ABTB2: variants seen among roughly 807,000 people sequenced by gnomAD.
ABTB2 encodes the protein ankyrin repeat and BTB/POZ domain-containing protein 2.
ABTB2 carries 56 observed loss-of-function variants against 104.1 expected under a neutral mutation model. The ratio of observed to expected loss-of-function variants is 0.54; its 90% CI spans 0.43 to 0.67. The LOEUF is 0.67. Ranked by LOEUF, ABTB2 falls within the 30% of genes least tolerant of loss-of-function variation. The pLI is 0.00. For missense variants in ABTB2, 1,279 were observed against 1,407.7 expected, an observed-to-expected ratio of 0.91 and a Z score of 1.46; for synonymous variants, 606 against 608.2, an observed-to-expected ratio of 1.00 and a Z score of 0.05.
chr11:34,303,166 C>T (rs1363336471), intron 1 of ABTB2, among the ~76,000 whole-genome samples: 1 of 152,176 alleles, frequency 6.6e-6, no homozygotes, highest in Non-Finnish European at 1.5e-5. Flanking sequence ...TGGCAGTAGT[C>T]AGCTCACTTC....
intron 1 of ABTB2, chr11:34,335,068 C>T: frequency 2.4e-6 from 2 of 849,760 alleles, no homozygotes; most frequent in Non-Finnish European, 3.9e-6. Flanking sequence ...ATAGATCAAC[C>T]CAAATATTAC....
In ABTB2 at chr11:34,160,267, C is replaced by A. The variant is rs749055024; in HGVS notation, c.2484G>T (p.Lys828Asn). 6.2e-7 allele frequency: 1 copy of A among 1,614,064 alleles called. No homozygotes were observed. The highest frequency in any genetic ancestry group is 1.1e-5 in the South Asian group (1 of 91,080). The change falls in exon 12 of 17, where the codon AAG (lysine) becomes AAT (asparagine). Residue 828 changes from lysine to asparagine, a missense_variant. By Grantham distance (94) the Lys-to-Asn change is moderately conservative. Transcript: ENST00000435224. ...SPIPSIPEIR[K>N]TLPARLDPHF... ...CTTCACCTAGCCTGGCCGGCAGGGT[C>A]TTCCGGATCTCTGGGATGCTGGGGA...
intron 3 of ABTB2, among the ~76,000 whole-genome samples, chr11:34,175,185 TAA>T (rs373741235): frequency 0.015 from 2,290 of 152,386 alleles, 41 homozygotes; most frequent in African/African-American, 0.052. Flanking sequence ...TCCAGAGTTC[TAA>T]AAGTTTCTTC....
chr11:34,261,419 G>T (rs1444529641), intron 1 of ABTB2, among the ~76,000 whole-genome samples: 1 of 151,478 alleles, frequency 6.6e-6, no homozygotes, highest in African/African-American at 2.4e-5. Context: ...ACATTTGAAA[G>T]AAAATTTAAC....
At chr11:34,349,230 G>T (rs1855370896) in intron 1 of ABTB2, among the ~76,000 whole-genome samples, 2 of 152,200 alleles carry the variant, frequency 1.3e-5, no homozygotes, top group Non-Finnish European at 2.9e-5. Context: ...AATATCCACA[G>T]GAGAATTGCT....
intron 2 of ABTB2, 132 bp from the exon 3 acceptor site, chr11:34,197,670 C>T: frequency 1.5e-6 from 1 of 662,838 alleles, no homozygotes; most frequent in Non-Finnish European, 2.5e-6. Flanking sequence ...TACTGTTTGC[C>T]CTGCAGCCAA....
chr11:34,201,614 A>C (rs894448484), intron 2 of ABTB2, among the ~76,000 whole-genome samples: 1 of 152,064 alleles, frequency 6.6e-6, no homozygotes, highest in Non-Finnish European at 1.5e-5. Context: ...CTCAGGGTAC[A>C]CTCTGAGGTC....
chr11:34,170,835 G>A lies in ABTB2; in HGVS notation c.1563+71C>T, dbSNP rs570021502. 1.0e-5 allele frequency: 16 copies of A among 1,558,560 alleles called. No homozygotes were observed. In the East Asian group the frequency reaches 1.6e-4, roughly 15 times the overall value. ...AATCTCAGGGTTAGGACAGAGGGCC[G>A]CCAATGCTGGGAGCTGAGAATTCCC... is the stretch of plus-strand genomic sequence containing the variant. On this transcript the variant is annotated intron_variant, in intron 5 of 16. Transcript: ENST00000435224.
intron 1 of ABTB2, among the ~76,000 whole-genome samples, chr11:34,206,309 G>A (rs1853407059): frequency 6.6e-6 from 1 of 152,116 alleles, no homozygotes; most frequent in South Asian, 2.1e-4. Flanking sequence ...CTTGAACCCG[G>A]GAGGCAGAGT....
chr11:34,197,107 C>T (rs1590213782), intron 3 of ABTB2, among the ~76,000 whole-genome samples: 1 of 151,532 alleles, frequency 6.6e-6, no homozygotes, highest in Non-Finnish European at 1.5e-5. Flanking sequence ...GCCTCAGTGG[C>T]CCCATGCTGC....
intron 1 of ABTB2, among the ~76,000 whole-genome samples, chr11:34,321,390 GGT>G (rs1854999955): frequency 6.6e-6 from 1 of 152,098 alleles, no homozygotes; most frequent in African/African-American, 2.4e-5. Context: ...TAAAAACAGT[GGT>G]TTAAGCAAGA....
intron 14 of ABTB2, among the ~76,000 whole-genome samples, chr11:34,155,845 G>C (rs1193609132): frequency 6.6e-6 from 1 of 152,270 alleles, no homozygotes; most frequent in Admixed American, 6.5e-5. Flanking sequence ...TGCACAGTAA[G>C]TGTCCGTCTG....
At chr11:34,275,531 A>G (rs1032583444) in intron 1 of ABTB2, among the ~76,000 whole-genome samples, 19 of 151,864 alleles carry the variant, frequency 1.3e-4, no homozygotes, top group Non-Finnish European at 7.4e-5. Context: ...TAGCAAGCTG[A>G]CCCTTGATAT....
intron 1 of ABTB2, among the ~76,000 whole-genome samples, chr11:34,244,930 C>T (rs1256859423): frequency 1.1e-5 from 1 of 94,302 alleles, no homozygotes; most frequent in Non-Finnish European, 2.3e-5. Context: ...ATCGCCTGAG[C>T]CCGGGAAGTC....
chr11:34,164,655 G>T lies in ABTB2; in HGVS notation c.1988+31C>A, dbSNP rs1852772336. 6 of 1,461,990 alleles carry T rather than the reference G, an allele frequency of 4.1e-6. No homozygotes were observed. The East Asian group carries it at 1.4e-4, about 33-fold the overall frequency. The allele number at this position is 1,461,990 out of a possible 1,614,324, so 90.6% of individuals were successfully genotyped here. On this transcript the variant is annotated intron_variant, in intron 9 of 16. Transcript: ENST00000435224. Reference sequence around the variant, plus strand: ...TGTGAGCTTAGTTCAGTGCCCTCATGTCACACAGGGTGGGAATCCCGGGCA... The same window carrying T: ...TGTGAGCTTAGTTCAGTGCCCTCATTTCACACAGGGTGGGAATCCCGGGCA...
intron 1 of ABTB2, among the ~76,000 whole-genome samples, chr11:34,253,005 T>C (rs2133069845): frequency 6.6e-6 from 1 of 152,218 alleles, no homozygotes; most frequent in South Asian, 2.1e-4. Context: ...CCTCTTCTGT[T>C]TTCCAGCAAA....
rs552834539 is a variant in ABTB2 at position 34,196,327 on chromosome 11, G to A, written c.1244+998C>T. 1.5e-3 allele frequency among the ~76,000 whole-genome samples: 236 copies of A among 152,326 alleles called. 2 individuals carry two copies. The highest frequency in any genetic ancestry group is 5.3e-3 in the African/African-American group (219 of 41,570). On this transcript the variant is annotated intron_variant, in intron 3 of 16. Transcript: ENST00000435224. ...CCAGCACTTTGGGAGGCCAAGGCGC[G>A]TGGATCACGAGATCAGGAGATCGAG...
intron 1 of ABTB2, among the ~76,000 whole-genome samples, chr11:34,355,641 G>A (rs1855456875): frequency 6.6e-6 from 1 of 152,080 alleles, no homozygotes; most frequent in Non-Finnish European, 1.5e-5. Flanking sequence ...CTCTTCCACT[G>A]CCTGCTTATT....
chr11:34,335,260 G>A, intron 1 of ABTB2: 1 of 1,294,310 alleles, frequency 7.7e-7, no homozygotes, highest in South Asian at 1.2e-5. Context: ...AATGTCGGTA[G>A]CATTCATCAG....
Sources: gnomAD v4.1 joint callset for allele counts (sites outside exome capture counted in the v4.1 genomes callset) on GRCh38, gnomAD v4.1.1 for gene constraint, MANE v1.5 for transcripts, NCBI Gene and HGNC (gene_info 2026-07-23, HGNC 2026-07-21) for gene names.